SGK1: variants seen among roughly 807,000 people sequenced by gnomAD.
SGK1 encodes the protein serine/threonine-protein kinase Sgk1.
Under a neutral mutation model 64.2 loss-of-function variants are expected in SGK1, and 26 were observed. That is an observed-to-expected ratio of 0.40 (90% CI 0.30 to 0.56). The LOEUF (loss-of-function observed/expected upper bound fraction) is 0.56. Among genes scored for constraint, SGK1 ranks in the 20% least tolerant of loss-of-function variants. The pLI, the probability that SGK1 is intolerant of heterozygous loss-of-function variation, is 0.38. For missense variants in SGK1, 519 were observed against 645.6 expected (o/e 0.80, Z 2.12); for synonymous variants, 265 against 239.7 (o/e 1.11, Z -0.98).
intron 3 of SGK1, among the ~76,000 whole-genome samples, chr6:134,176,274 G>A (rs1221012537): frequency 1.3e-5 from 2 of 152,202 alleles, no homozygotes; most frequent in African/African-American, 2.4e-5. Context: ...ACTCAAGGCT[G>A]CCCCAGGGCT....
Position 134,262,047 on chromosome 6 carries a change from C to T in SGK1, c.171G>A (p.Glu57=), listed in dbSNP as rs375593743. 105 of 1,613,870 alleles carry T rather than the reference C, an allele frequency of 6.5e-5. No homozygotes were observed. The highest frequency in any genetic ancestry group is 1.4e-5 in the Non-Finnish European group (16 of 1,179,864). The change falls in exon 2 of 14, where the codon GAG becomes GAA. Residue 57 remains glutamate, a synonymous_variant. Transcript: ENST00000367858. ...GACACAAGGAAGACTCGAAGTCTGGCTCCCCTGGAGGGATGTGCACCATGG... is the reference window on the plus strand; with the variant it reads ...GACACAAGGAAGACTCGAAGTCTGGTTCCCCTGGAGGGATGTGCACCATGG... ...GSSMVHIPPG[E]PDFESSLCQT... is the part of the protein sequence containing the mutation.
chr6:134,208,849 C>T (rs991155620), intron 2 of SGK1, among the ~76,000 whole-genome samples: 19 of 149,436 alleles, frequency 1.3e-4, no homozygotes, highest in African/African-American at 3.2e-4. Context: ...TGTATGCATA[C>T]GCATACATGT....
intron 1 of SGK1, among the ~76,000 whole-genome samples, chr6:134,294,235 TATAC>T (rs1777307571): frequency 6.6e-6 from 1 of 152,172 alleles, no homozygotes; most frequent in Admixed American, 6.5e-5. Context: ...TGTGATGAAA[TATAC>T]ATCACATAAA....
intron 3 of SGK1, chr6:134,175,476 G>T: frequency 1.5e-6 from 2 of 1,338,356 alleles, no homozygotes; most frequent in Admixed American, 3.8e-5. Flanking sequence ...GACGAAAGCC[G>T]GCCCCTGCCT....
chr6:134,212,067 T>TTTTTTTGG (rs1554221193), intron 2 of SGK1, among the ~76,000 whole-genome samples: 1 of 148,370 alleles, frequency 6.7e-6, no homozygotes, highest in African/African-American at 2.5e-5. Context: ...TTGTTTTTTT[T>TTTTTTTGG]GGGGGGGACG....
At chr6:134,242,547 G>T (rs1776465427) in intron 2 of SGK1, among the ~76,000 whole-genome samples, 1 of 151,864 alleles carries the variant, frequency 6.6e-6, no homozygotes, top group Non-Finnish European at 1.5e-5. Context: ...CAGTAGCAGA[G>T]CTGTTTTGAA....
In SGK1 at chr6:134,262,380, AT is replaced by A. The variant is rs369237821; in HGVS notation, c.70-233del. Reference sequence around the variant, plus strand: ...TTCATCTTGCTGAGTCTGTCTCCGCATTTTTTTTTCACATTATTTTTTTCTT... The same window carrying A: ...TTCATCTTGCTGAGTCTGTCTCCGCATTTTTTTTCACATTATTTTTTTCTT... On this transcript the variant is annotated intron_variant, in intron 1 of 13. Coordinates refer to ENST00000367858, the MANE Select transcript of SGK1 (RefSeq NM_001143676.3). Among the ~76,000 whole-genome samples, 28 of 149,486 alleles carry A rather than the reference AT, an allele frequency of 1.9e-4. 1 individual carries two copies. The highest frequency in any genetic ancestry group is 6.2e-4 in the African/African-American group (25 of 40,620).
intron 1 of SGK1, among the ~76,000 whole-genome samples, chr6:134,274,294 G>A (rs189767645): frequency 9.6e-4 from 146 of 152,198 alleles, no homozygotes; most frequent in African/African-American, 3.3e-3. Context: ...GTGAGCCACC[G>A]TGCCCAGCCT....
At chr6:134,301,579 T>C (rs570949003) in intron 1 of SGK1, among the ~76,000 whole-genome samples, 1 of 115,882 alleles carries the variant, frequency 8.6e-6, no homozygotes, top group African/African-American at 3.5e-5. Context: ...TTCTCTTCTC[T>C]TCTCTTCCCT....
At chr6:134,213,642 A>ATAAATAAATAAATAAT (rs1775929684) in intron 2 of SGK1, among the ~76,000 whole-genome samples, 2 of 110,892 alleles carry the variant, frequency 1.8e-5, no homozygotes, top group South Asian at 4.9e-4. Context: ...AAATAAATAA[A>ATAAATAAATAAATAAT]TAATAAATAA....
chr6:134,188,335 G>T (rs1029701535), intron 3 of SGK1, among the ~76,000 whole-genome samples: 6 of 151,324 alleles, frequency 4.0e-5, no homozygotes, highest in African/African-American at 1.5e-4. Context: ...CCAAACTATT[G>T]GCCACAGCCC....
At chr6:134,211,649 C>G (rs1007788490) in intron 2 of SGK1, 2 of 151,980 alleles carry the variant, frequency 1.3e-5, no homozygotes, top group African/African-American at 4.8e-5. Context: ...GTGAAAGAAA[C>G]CATGCTAGCT....
At chr6:134,302,315 T>C (rs1013314908) in intron 1 of SGK1, among the ~76,000 whole-genome samples, 1 of 152,244 alleles carries the variant, frequency 6.6e-6, no homozygotes, top group Admixed American at 6.5e-5. Flanking sequence ...AATGAGATCC[T>C]GCGCAAATGA....
At chr6:134,178,987 AT>A (rs1385727673) in intron 3 of SGK1, among the ~76,000 whole-genome samples, 5 of 151,788 alleles carry the variant, frequency 3.3e-5, no homozygotes, top group African/African-American at 4.8e-5. Context: ...CTTCTATTTT[AT>A]TTTTTTATTT....
At chr6:134,236,220 C>T (rs542929888) in intron 2 of SGK1, among the ~76,000 whole-genome samples, 1 of 152,246 alleles carries the variant, frequency 6.6e-6, no homozygotes, top group Non-Finnish European at 1.5e-5. Flanking sequence ...AAGTTAAACA[C>T]AAATTTACAT....
At chr6:134,176,162 T>A (rs913859372) in intron 3 of SGK1, among the ~76,000 whole-genome samples, 1 of 152,146 alleles carries the variant, frequency 6.6e-6, no homozygotes, top group African/African-American at 2.4e-5. Flanking sequence ...CCGGGCATCC[T>A]CGATTCCTCT....
At chr6:134,186,439 TAA>T (rs1775424646) in intron 3 of SGK1, among the ~76,000 whole-genome samples, 3 of 152,278 alleles carry the variant, frequency 2.0e-5, no homozygotes, top group Non-Finnish European at 4.4e-5. Context: ...GATAAAGACA[TAA>T]GAGAAGAATG....
At chr6:134,301,129 G>A (rs1015764694) in intron 1 of SGK1, among the ~76,000 whole-genome samples, 1 of 152,204 alleles carries the variant, frequency 6.6e-6, no homozygotes, top group African/African-American at 2.4e-5. Context: ...CTCAAGATGT[G>A]TGTGAGACAT....
chr6:134,278,058 A>G (rs920198591), intron 1 of SGK1, among the ~76,000 whole-genome samples: 2 of 152,256 alleles, frequency 1.3e-5, no homozygotes, highest in Non-Finnish European at 2.9e-5. Context: ...ATCTTGGAGC[A>G]TCCAAGAAGT....
Sources: gnomAD v4.1 joint callset for allele counts (sites outside exome capture counted in the v4.1 genomes callset) on GRCh38, gnomAD v4.1.1 for gene constraint, MANE v1.5 for transcripts, NCBI Gene and HGNC (gene_info 2026-07-23, HGNC 2026-07-21) for gene names.